Variants in GMDS observed in about 807,000 individuals in gnomAD.
The protein encoded by GMDS is GDP-mannose 4,6 dehydratase.
A neutral mutation model predicts 49.9 loss-of-function variants in GMDS; 20 were observed. That is an observed-to-expected ratio of 0.40 (90% CI 0.28 to 0.58). The LOEUF is 0.58. Ranked by LOEUF, GMDS falls within the 20% of genes least tolerant of loss-of-function variation. The pLI, the probability that GMDS is intolerant of heterozygous loss-of-function variation, is 0.42. For synonymous variants in GMDS, 177 were observed against 178.6 expected, an observed-to-expected ratio of 0.99 and a Z score of 0.07; for missense variants, 362 against 481.4, an observed-to-expected ratio of 0.75 and a Z score of 2.32.
intron 4 of GMDS, 26 bp downstream of exon 4, chr6:2,115,745 A>C: frequency 2.0e-5 from 24 of 1,177,386 alleles, no homozygotes; most frequent in Non-Finnish European, 2.9e-5. Context: ...AAACACGGCC[A>C]GAGAAATCCC....
intron 1 of GMDS, among the ~76,000 whole-genome samples, chr6:2,189,376 C>G (rs1481917152): frequency 6.6e-6 from 1 of 152,118 alleles, no homozygotes; most frequent in East Asian, 1.9e-4. Context: ...TTAGAGATAT[C>G]AAATGGACAA....
At chr6:1,786,496 T>C in intron 7 of GMDS, among the ~76,000 whole-genome samples, 1 of 152,208 alleles carries the variant, frequency 6.6e-6, no homozygotes, top group East Asian at 1.9e-4. Context: ...AGAGGCTTCA[T>C]GGGCAGGAGG....
At chr6:1,961,890 A>G (rs1763963524) in intron 4 of GMDS, among the ~76,000 whole-genome samples, 1 of 152,172 alleles carries the variant, frequency 6.6e-6, no homozygotes, top group South Asian at 2.1e-4. Context: ...TGCAAATGGT[A>G]TTCAGGCAAC....
intron 7 of GMDS, among the ~76,000 whole-genome samples, chr6:1,923,478 A>T (rs546930580): frequency 1.7e-4 from 26 of 152,348 alleles, no homozygotes; most frequent in African/African-American, 6.3e-4. Context: ...GTACCACAGC[A>T]ACACTCACAC....
chr6:2,230,080 G>C (rs377564452), intron 1 of GMDS, among the ~76,000 whole-genome samples: 1 of 141,992 alleles, frequency 7.0e-6, no homozygotes, highest in East Asian at 2.1e-4. Flanking sequence ...CCACAGTTGC[G>C]AGACTCCTCT....
At chr6:1,659,437 C>T (rs1763995063) in intron 9 of GMDS, among the ~76,000 whole-genome samples, 1 of 152,096 alleles carries the variant, frequency 6.6e-6, no homozygotes, top group Non-Finnish European at 1.5e-5. Context: ...GTCTCACATG[C>T]ATTCCATCCC....
At chr6:1,899,294 G>GAT (rs1760377648) in intron 7 of GMDS, among the ~76,000 whole-genome samples, 1 of 144,606 alleles carries the variant, frequency 6.9e-6, no homozygotes, top group Non-Finnish European at 1.5e-5. Flanking sequence ...TTTGATTTGT[G>GAT]TTTTTTTTTT....
rs540468772 is a variant in GMDS, at chr6:2,200,800, C to G, written c.102+44521G>C. Among the ~76,000 whole-genome samples the G allele has an allele frequency of 4.8e-3, 464 of 95,994 alleles. 4 individuals carry two copies. The highest frequency in any genetic ancestry group is 0.019 in the African/African-American group (411 of 22,060). The allele number at this position is 95,994 out of a possible 152,430, so 63.0% of individuals were successfully genotyped here. A position where few individuals can be genotyped will look rare whatever the true frequency, so the allele number is the denominator to read the frequency against. Reference sequence around the variant, plus strand: ...TTAGCAGAGAGGTGAAGGATGAAGACAGAGCACCAAATGGGCATCCGAGAT... The same window carrying G: ...TTAGCAGAGAGGTGAAGGATGAAGAGAGAGCACCAAATGGGCATCCGAGAT... On this transcript the variant is annotated intron_variant, in intron 1 of 10. Transcript: ENST00000380815.
intron 9 of GMDS, among the ~76,000 whole-genome samples, chr6:1,691,237 C>A (rs1765158454): frequency 6.6e-6 from 1 of 152,046 alleles, no homozygotes; most frequent in South Asian, 2.1e-4. Context: ...GAAGCCATTA[C>A]CCTCAGCAAA....
At chr6:1,918,343 C>T (rs1262432830) in intron 7 of GMDS, among the ~76,000 whole-genome samples, 2 of 152,194 alleles carry the variant, frequency 1.3e-5, no homozygotes, top group Admixed American at 6.5e-5. Context: ...GGTACTTGGT[C>T]TTATAAGCTA....
At chr6:1,947,683 T>C (rs957596339) in intron 6 of GMDS, among the ~76,000 whole-genome samples, 4 of 152,190 alleles carry the variant, frequency 2.6e-5, no homozygotes, top group African/African-American at 9.7e-5. Flanking sequence ...TGGCTTAATC[T>C]GGGAATTTTT....
At chr6:1,860,712 T>C (rs1296447707) in intron 7 of GMDS, among the ~76,000 whole-genome samples, 1 of 152,200 alleles carries the variant, frequency 6.6e-6, no homozygotes, top group Non-Finnish European at 1.5e-5. Context: ...TCTCACATTG[T>C]CAACCGTGAA....
chr6:2,178,183 C>T (rs1036851863), intron 1 of GMDS, among the ~76,000 whole-genome samples: 3 of 152,176 alleles, frequency 2.0e-5, no homozygotes, highest in Admixed American at 2.0e-4. Flanking sequence ...TTATTGTGTA[C>T]TGTATTAGTC....
chr6:2,141,433 G>C (rs1389540538), intron 1 of GMDS, among the ~76,000 whole-genome samples: 2 of 152,188 alleles, frequency 1.3e-5, no homozygotes, highest in East Asian at 1.9e-4. Flanking sequence ...AATATTGTGT[G>C]AAACTAGGGG....
At chr6:1,683,030 AGCACG>A (rs1764837750) in intron 9 of GMDS, among the ~76,000 whole-genome samples, 3 of 72,570 alleles carry the variant, frequency 4.1e-5, no homozygotes, top group Non-Finnish European at 1.2e-4. Context: ...CACGTGGGTG[AGCACG>A]TGGGAGTCTC....
At chr6:1,882,919 T>C (rs1759428733) in intron 7 of GMDS, among the ~76,000 whole-genome samples, 2 of 152,158 alleles carry the variant, frequency 1.3e-5, no homozygotes, top group African/African-American at 4.8e-5. Flanking sequence ...TCACGAGTGA[T>C]TGTTGTGAGG....
At chr6:1,744,059 A>G (rs571859189) in intron 7 of GMDS, among the ~76,000 whole-genome samples, 9 of 152,252 alleles carry the variant, frequency 5.9e-5, no homozygotes, top group African/African-American at 2.2e-4. Flanking sequence ...GAGCCAGCCT[A>G]TTTTCTCTTA....
chr6:2,245,283 G>T, intron 1 of GMDS, 38 bp downstream of exon 1: 3 of 1,364,436 alleles, frequency 2.2e-6, no homozygotes, highest in Non-Finnish European at 2.0e-6. Flanking sequence ...CGCGTGCCCA[G>T]GCTGCCTCGG....
rs891883684 is a variant in GMDS at position 1,788,898 on chromosome 6, C to G, written c.772-46312G>C. Among the ~76,000 whole-genome samples the G allele has an allele frequency of 1.4e-4, 21 of 152,216 alleles. 1 individual carries two copies. Among genetic ancestry groups the G allele is most frequent in the African/African-American group, 3.6e-4 (15 of 41,450 alleles). On this transcript the variant is annotated intron_variant, in intron 7 of 10. Coordinates refer to ENST00000380815, the MANE Select transcript of GMDS (RefSeq NM_001500.4). ...ACCCACCTGGAGTTAGGAAGTGACT[C>G]TGCAGACTGAAGGGCATGATCCCCA...
Sources: gnomAD v4.1 joint callset for allele counts (sites outside exome capture counted in the v4.1 genomes callset) on GRCh38, gnomAD v4.1.1 for gene constraint, MANE v1.5 for transcripts, NCBI Gene and HGNC (gene_info 2026-07-23, HGNC 2026-07-21) for gene names.